Variants in CTNNA2 observed in about 807,000 individuals in gnomAD.
The protein encoded by CTNNA2 is catenin alpha-2.
CTNNA2 carries 42 observed loss-of-function variants against 101.0 expected under a neutral mutation model. That is an observed-to-expected ratio of 0.42 (90% CI 0.32 to 0.54). The LOEUF (loss-of-function observed/expected upper bound fraction) is 0.54. Ranked by LOEUF, CTNNA2 falls within the 20% of genes least tolerant of loss-of-function variation. The probability of loss-of-function intolerance (pLI) is 0.14; values close to 1 mark genes in which losing one functional copy is unlikely to be tolerated. For synonymous variants in CTNNA2, 450 were observed against 456.4 expected (o/e 0.99, Z 0.18); for missense variants, 871 against 1,223.1 (o/e 0.71, Z 4.29).
intron 2 of CTNNA2, among the ~76,000 whole-genome samples, chr2:79,256,417 A>G (rs1674844795): frequency 6.6e-6 from 1 of 152,194 alleles, no homozygotes; most frequent in Admixed American, 6.5e-5. Flanking sequence ...CCAGTGCCTG[A>G]CTCATAGCAG....
chr2:79,278,634 A>G (rs2861787), intron 2 of CTNNA2, among the ~76,000 whole-genome samples: 93,146 of 152,000 alleles, frequency 0.61, 28,817 homozygotes, highest in African/African-American at 0.64. Flanking sequence ...AATTTTTTCT[A>G]TTTAGATATA....
At chr2:80,239,957 C>G (rs909930814) in intron 7 of CTNNA2, among the ~76,000 whole-genome samples, 4 of 151,762 alleles carry the variant, frequency 2.6e-5, no homozygotes, top group South Asian at 2.1e-4. Flanking sequence ...AAAGTCATAA[C>G]AATATACTGT....
At chr2:80,481,362 G>A (rs1462437884) in intron 9 of CTNNA2, among the ~76,000 whole-genome samples, 2 of 152,008 alleles carry the variant, frequency 1.3e-5, no homozygotes, top group Admixed American at 6.6e-5. Context: ...TTGTAAAATG[G>A]TGATAATAAT....
At chr2:79,311,747 T>C (rs1204750782) in intron 2 of CTNNA2, among the ~76,000 whole-genome samples, 1 of 152,112 alleles carries the variant, frequency 6.6e-6, no homozygotes, top group African/African-American at 2.4e-5. Context: ...CATCACACCA[T>C]CCTTCCTCTA....
chr2:79,842,707 T>TG lies in CTNNA2; in HGVS notation c.299-15306_299-15305insG, dbSNP rs529980663. On this transcript the variant is annotated intron_variant, in intron 3 of 18. Transcript: ENST00000402739. ...ATTTAGCCGTAGTTTTGGGTGTGTG[T>TG]TTTTTTTTTTAAATCTTTGAAATGG... Among the ~76,000 whole-genome samples the TG allele has an allele frequency of 2.2e-3, 328 of 147,550 alleles. 1 individual carries two copies. Among genetic ancestry groups the TG allele is most frequent in the Non-Finnish European group, 3.9e-3 (262 of 66,416 alleles).
rs1211647767 is a variant in CTNNA2, at chr2:79,334,303, C to A, written c.-318+21507C>A. ...CCTCAAGGTCATAAAACTATGCTGG[C>A]AGAACCAGAATTTGAACCTAAAGAG... On this transcript the variant is annotated intron_variant, in intron 3 of 21. Transcript: ENST00000466387. Among the ~76,000 whole-genome samples, 4 of 152,002 alleles carry A rather than the reference C, an allele frequency of 2.6e-5. No homozygotes were observed. In the South Asian group the frequency reaches 8.3e-4, roughly 32 times the overall value.
At chr2:79,553,963 G>A (rs1156411886) in intron 1 of CTNNA2, among the ~76,000 whole-genome samples, 6 of 152,200 alleles carry the variant, frequency 3.9e-5, no homozygotes, top group African/African-American at 1.2e-4. Context: ...TTGCAACTCA[G>A]TTCTCAAGCT....
In CTNNA2 at chr2:80,261,980, TG is replaced by T. The variant is rs879521094; in HGVS notation, c.1057-131230del. Among the ~76,000 whole-genome samples the T allele has an allele frequency of 1.1e-3, 163 of 152,316 alleles. 2 individuals carry two copies. Among genetic ancestry groups the T allele is most frequent in the South Asian group, 4.3e-3 (21 of 4,832 alleles). ...AGCTGACTACTTGCTAGTCTGTTAC[TG>T]TGTTGAAGTGTATTCTGTTAGTGCA... On this transcript the variant is annotated intron_variant, in intron 7 of 18. Coordinates refer to ENST00000402739, the MANE Select transcript of CTNNA2 (RefSeq NM_001282597.3).
chr2:80,537,916 G>A (rs994830547), intron 9 of CTNNA2, among the ~76,000 whole-genome samples: 5 of 151,980 alleles, frequency 3.3e-5, no homozygotes, highest in Admixed American at 1.3e-4. Flanking sequence ...TTTAATGATC[G>A]CCATTCTAAC....
chr2:80,135,904 G>A (rs989638982), intron 7 of CTNNA2, among the ~76,000 whole-genome samples: 2 of 152,122 alleles, frequency 1.3e-5, no homozygotes, highest in African/African-American at 2.4e-5. Flanking sequence ...TAGGAGGATG[G>A]TGGTATAAAA....
chr2:79,344,167 C>T (rs1231360997), intron 3 of CTNNA2, among the ~76,000 whole-genome samples: 1 of 151,768 alleles, frequency 6.6e-6, no homozygotes, highest in Non-Finnish European at 1.5e-5. Context: ...TTGTCAAAGG[C>T]ACCCCGCTCT....
intron 2 of CTNNA2, among the ~76,000 whole-genome samples, chr2:79,743,607 A>G (rs1445224743): frequency 6.6e-6 from 1 of 150,936 alleles, no homozygotes; most frequent in Non-Finnish European, 1.5e-5. Context: ...GATCTAGATT[A>G]ACTGCAACCT....
At chr2:80,284,446 T>G (rs1179396873) in intron 7 of CTNNA2, among the ~76,000 whole-genome samples, 1 of 152,084 alleles carries the variant, frequency 6.6e-6, no homozygotes, top group Admixed American at 6.6e-5. Flanking sequence ...AGGACAGAAG[T>G]GGTGGCCTTT....
In CTNNA2 at chr2:79,533,070, C is replaced by G. The variant is rs13392491; in HGVS notation, c.-6+19863C>G. 1.1e-3 allele frequency among the ~76,000 whole-genome samples: 161 copies of G among 152,026 alleles called. 1 individual carries two copies. The highest frequency in any genetic ancestry group is 3.5e-3 in the African/African-American group (147 of 41,478). The stretch of plus-strand genomic sequence containing the variant: ...TCTACCTAGGAGACCTTCTACATGT[C>G]ATTGAAGTTCATCTAATATGCAGTC... On this transcript the variant is annotated intron_variant, in intron 1 of 18. Coordinates refer to ENST00000402739, the MANE Select transcript of CTNNA2 (RefSeq NM_001282597.3).
chr2:79,269,426 G>A (rs984110427), intron 2 of CTNNA2, among the ~76,000 whole-genome samples: 2 of 152,080 alleles, frequency 1.3e-5, no homozygotes, highest in African/African-American at 2.4e-5. Context: ...TGGCCCTCAG[G>A]CAACCCGCAG....
At chr2:80,100,587 T>C (rs1018379317) in intron 7 of CTNNA2, among the ~76,000 whole-genome samples, 3 of 152,210 alleles carry the variant, frequency 2.0e-5, no homozygotes, top group Non-Finnish European at 4.4e-5. Context: ...CTCTTGAACT[T>C]TGTGAGTTCC....
intron 2 of CTNNA2, among the ~76,000 whole-genome samples, chr2:79,270,418 T>C (rs541512814): frequency 6.6e-6 from 1 of 152,082 alleles, no homozygotes; most frequent in African/African-American, 2.4e-5. Context: ...GTGACGCCAG[T>C]CCCAAGGCCT....
chr2:80,262,888 C>T (rs1672719328), intron 7 of CTNNA2, among the ~76,000 whole-genome samples: 1 of 151,832 alleles, frequency 6.6e-6, no homozygotes, highest in African/African-American at 2.4e-5. Context: ...TCTAATAAGA[C>T]TGTCTATTCC....
chr2:80,415,403 CTGTTTTTTT>C (rs994344052), intron 8 of CTNNA2, among the ~76,000 whole-genome samples: 3 of 152,150 alleles, frequency 2.0e-5, no homozygotes, highest in Non-Finnish European at 2.9e-5. Context: ...CCATGAAGCT[CTGTTTTTTT>C]TGTTTTTTTC....
Sources: allele counts gnomAD v4.1 joint callset (sites outside exome capture counted in the v4.1 genomes callset), GRCh38; gene constraint gnomAD v4.1.1; transcripts MANE v1.5; gene names NCBI Gene and HGNC (gene_info 2026-07-23, HGNC 2026-07-21).